CNTN4: variants seen among roughly 807,000 people sequenced by gnomAD.
CNTN4 encodes the protein contactin-4.
In CNTN4, 77 loss-of-function variants were observed where a neutral mutation model predicts 122.5. That is an observed-to-expected ratio of 0.63 (90% confidence interval 0.52 to 0.76). The LOEUF is 0.76. Among genes scored for constraint, CNTN4 ranks in the 30% least tolerant of loss-of-function variants. The probability of loss-of-function intolerance (pLI) is 0.00; values close to 1 mark genes in which losing one functional copy is unlikely to be tolerated. For missense variants in CNTN4, 1,256 were observed against 1,259.1 expected (o/e 1.00, Z 0.04); for synonymous variants, 512 against 447.0 (o/e 1.15, Z -1.83).
chr3:2,954,512 T>G (rs904615344), intron 13 of CNTN4, among the ~76,000 whole-genome samples: 1 of 151,396 alleles, frequency 6.6e-6, no homozygotes, highest in African/African-American at 2.4e-5. Context: ...CCTTTGAATT[T>G]CATTCAGTCC....
intron 4 of CNTN4, among the ~76,000 whole-genome samples, chr3:2,628,940 G>C (rs2600318): frequency 1.3e-5 from 2 of 152,038 alleles, no homozygotes; most frequent in Non-Finnish European, 2.9e-5. Flanking sequence ...TGGCAAATAG[G>C]TTAGGAGGCC....
intron 4 of CNTN4, among the ~76,000 whole-genome samples, chr3:2,669,939 T>C (rs2084403548): frequency 6.6e-6 from 1 of 152,242 alleles, no homozygotes; most frequent in Non-Finnish European, 1.5e-5. Flanking sequence ...CTAGTTTGAT[T>C]GCACTGTGGT....
rs552638173 is a variant in CNTN4, at chr3:3,009,267, C to A, written c.1487-16835C>A. On this transcript the variant is annotated intron_variant, in intron 14 of 24. Coordinates refer to ENST00000418658, the MANE Select transcript of CNTN4 (RefSeq NM_175607.3). ...AGGAGATCAGTCTTAGACAAGTTAA[C>A]CTTTACCTTTCAATTATCATGGCTT... is the stretch of plus-strand genomic sequence containing the variant. 2.6e-5 allele frequency among the ~76,000 whole-genome samples: 4 copies of A among 152,248 alleles called. No homozygotes were observed. The South Asian group carries it at 8.3e-4, about 32-fold the overall frequency.
At chr3:2,866,598 G>A (rs1242706120) in intron 7 of CNTN4, 154 bp from the exon 8 acceptor site, 1 of 1,125,864 alleles carries the variant, frequency 8.9e-7, no homozygotes, top group Non-Finnish European at 1.3e-6. Flanking sequence ...AATGCCACGG[G>A]GGACTGTGAT....
rs73005797 is a variant in CNTN4 at position 2,604,875 on chromosome 3, A to G, written c.55+33317A>G. Among the ~76,000 whole-genome samples, 603 of 151,932 alleles carry G rather than the reference A, an allele frequency of 4.0e-3. 3 individuals are homozygous for G. Among genetic ancestry groups the G allele is most frequent in the South Asian group, 6.3e-3 (30 of 4,796 alleles). On this transcript the variant is annotated intron_variant, in intron 4 of 24. Transcript: ENST00000418658. Reference sequence around the variant, plus strand: ...TGATTTCCTCTTATAGTAAGAGCCAATAAAGGAAATATAAGATCTACCCTC... The same window carrying G: ...TGATTTCCTCTTATAGTAAGAGCCAGTAAAGGAAATATAAGATCTACCCTC...
chr3:2,606,451 A>G (rs1360860255), intron 4 of CNTN4, among the ~76,000 whole-genome samples: 2 of 152,152 alleles, frequency 1.3e-5, no homozygotes, highest in Non-Finnish European at 2.9e-5. Flanking sequence ...ACGTTTACCT[A>G]TGTAACAAAC....
chr3:3,039,326 T>C (rs1699933486), intron 19 of CNTN4: 1 of 268,520 alleles, frequency 3.7e-6, no homozygotes, highest in Middle Eastern at 1.4e-3. Flanking sequence ...GCATGGCCAA[T>C]TGATTTAAAA....
chr3:2,958,834 T>C (rs188737810), intron 13 of CNTN4, among the ~76,000 whole-genome samples: 4 of 152,300 alleles, frequency 2.6e-5, no homozygotes, highest in Admixed American at 1.3e-4. Flanking sequence ...AGGGAACTAA[T>C]GCTCAACCTA....
At chr3:2,487,984 T>A (rs2076210456) in intron 3 of CNTN4, among the ~76,000 whole-genome samples, 1 of 152,192 alleles carries the variant, frequency 6.6e-6, no homozygotes, top group Non-Finnish European at 1.5e-5. Context: ...CTGTGGCTGA[T>A]CAACACAGAT....
chr3:2,752,453 C>A (rs1479021557), intron 6 of CNTN4, among the ~76,000 whole-genome samples: 1 of 152,190 alleles, frequency 6.6e-6, no homozygotes, highest in Non-Finnish European at 1.5e-5. Flanking sequence ...GCAACCTCCA[C>A]CTCCCGGGTC....
chr3:2,286,904 ATGAGCTATCAATGCAGATTTCAGGTT>A (rs2041920535), intron 2 of CNTN4, among the ~76,000 whole-genome samples: 1 of 152,112 alleles, frequency 6.6e-6, no homozygotes, highest in East Asian at 1.9e-4. Context: ...CAAATGCTAG[ATGAGCTATCAATGCAGATTTCAGGTT>A]TTGATTGTAC....
intron 2 of CNTN4, among the ~76,000 whole-genome samples, chr3:2,162,065 C>T (rs1337208764): frequency 6.6e-6 from 1 of 152,014 alleles, no homozygotes; most frequent in Non-Finnish European, 1.5e-5. Context: ...TAGTTTTATT[C>T]TTTTTCAATG....
At chr3:2,156,170 TG>T (rs916791215) in intron 2 of CNTN4, among the ~76,000 whole-genome samples, 1 of 152,132 alleles carries the variant, frequency 6.6e-6, no homozygotes, top group Non-Finnish European at 1.5e-5. Flanking sequence ...AATGAAGTTT[TG>T]GAGAGCTGGT....
At chr3:2,921,292 C>A (rs553232283) in intron 12 of CNTN4, among the ~76,000 whole-genome samples, 57 of 152,320 alleles carry the variant, frequency 3.7e-4, no homozygotes, top group African/African-American at 1.3e-3. Flanking sequence ...CCGCCTTGGC[C>A]TCCCAAAGTG....
intron 4 of CNTN4, among the ~76,000 whole-genome samples, chr3:2,697,067 C>A (rs1362486301): frequency 6.6e-6 from 1 of 152,180 alleles, no homozygotes; most frequent in African/African-American, 2.4e-5. Context: ...TGTTTGAGTT[C>A]ATGCATCCAG....
At chr3:2,717,486 C>T (rs1477444036) in intron 4 of CNTN4, among the ~76,000 whole-genome samples, 1 of 152,166 alleles carries the variant, frequency 6.6e-6, no homozygotes, top group African/African-American at 2.4e-5. Context: ...GGGAATCTTG[C>T]CTCTGATTTC....
At chr3:2,923,008 A>G (rs1029410490) in intron 12 of CNTN4, among the ~76,000 whole-genome samples, 6 of 152,248 alleles carry the variant, frequency 3.9e-5, no homozygotes, top group African/African-American at 1.4e-4. Context: ...ATAGTACATT[A>G]CAAATGCTTT....
intron 2 of CNTN4, among the ~76,000 whole-genome samples, chr3:2,160,497 A>G (rs1370018485): frequency 2.0e-5 from 3 of 152,264 alleles, no homozygotes; most frequent in Middle Eastern, 3.4e-3. Context: ...TAAAATGAAG[A>G]TTATCATATT....
intron 6 of CNTN4, among the ~76,000 whole-genome samples, chr3:2,781,716 A>ATTTTTT (rs59896254): frequency 2.3e-5 from 2 of 85,952 alleles, no homozygotes; most frequent in Non-Finnish European, 4.2e-5. Flanking sequence ...CTTTGGGTAA[A>ATTTTTT]TTTTTTTTTT....
Sources: gnomAD v4.1 joint callset for allele counts (sites outside exome capture counted in the v4.1 genomes callset) on GRCh38, gnomAD v4.1.1 for gene constraint, MANE v1.5 for transcripts, NCBI Gene and HGNC (gene_info 2026-07-23, HGNC 2026-07-21) for gene names.